CREBBP: variants seen among roughly 807,000 people sequenced by gnomAD.
CREBBP encodes CREB-binding protein.
CREBBP carries 19 observed loss-of-function variants against 265.0 expected under a neutral mutation model. That is an observed-to-expected ratio of 0.07 (90% CI 0.05 to 0.11). The LOEUF (loss-of-function observed/expected upper bound fraction) is 0.11, where lower values mean the gene tolerates loss of function less well. Ranked by LOEUF, CREBBP falls within the 10% of genes least tolerant of loss-of-function variation. The pLI, the probability that CREBBP is intolerant of heterozygous loss-of-function variation, is 1.00. For missense variants in CREBBP, 2,525 were observed against 3,219.0 expected (o/e 0.78, Z 5.22); for synonymous variants, 1,457 against 1,223.7 (o/e 1.19, Z -3.98).
In CREBBP at chr16:3,781,282, G is replaced by A. The variant is rs2141248100; in HGVS notation, c.1598C>T (p.Ala533Val). 1 of 1,613,846 alleles carries A rather than the reference G, an allele frequency of 6.2e-7. No individual in the cohort carries two copies. The change falls in exon 7 of 31, where the codon GCA (alanine) becomes GTA (valine). Residue 533 changes from alanine to valine, a missense_variant. This residue lies in a region of CREBBP where 144 missense variants were observed against 134.0 expected (regional missense o/e 1.07). Coordinates refer to ENST00000262367, the MANE Select transcript of CREBBP (RefSeq NM_004380.3). Reference sequence around the variant, plus strand: ...CTGCTGATCTGTTGTTATTCCTCCTGCTGGAATGTTCATTGGATTATTTCC... The same window carrying A: ...CTGCTGATCTGTTGTTATTCCTCCTACTGGAATGTTCATTGGATTATTTCC... ...PLGNNPMNIPAGGITTDQQPP... is the reference protein window; with the variant it reads ...PLGNNPMNIPVGGITTDQQPP...
intron 3 of CREBBP, among the ~76,000 whole-genome samples, chr16:3,800,465 A>C (rs1412859535): frequency 6.6e-6 from 1 of 152,080 alleles, no homozygotes; most frequent in African/African-American, 2.4e-5. Context: ...TTTTCCCCTA[A>C]GAGACGAGCC....
intron 2 of CREBBP, among the ~76,000 whole-genome samples, chr16:3,836,196 G>C (rs1444222904): frequency 6.6e-6 from 1 of 151,916 alleles, no homozygotes; most frequent in Non-Finnish European, 1.5e-5. Context: ...AACACTTTGG[G>C]AGGCTGAGGT....
chr16:3,786,965 C>T (rs963483523), intron 5 of CREBBP, among the ~76,000 whole-genome samples: 1 of 151,386 alleles, frequency 6.6e-6, no homozygotes, highest in African/African-American at 2.4e-5. Context: ...CCCAGCTACT[C>T]GGGAGGCTGA....
intron 3 of CREBBP, among the ~76,000 whole-genome samples, chr16:3,803,031 C>A (rs1301213146): frequency 6.6e-6 from 1 of 152,022 alleles, no homozygotes; most frequent in African/African-American, 2.4e-5. Context: ...ATTAAATGTA[C>A]ACAGCTGCCA....
rs2151305272 is a variant in CREBBP, at chr16:3,728,811, G to T, written c.6236C>A (p.Ser2079Tyr). 6.2e-7 allele frequency: 1 copy of T among 1,613,652 alleles called. No homozygotes were observed. The change falls in exon 31 of 31, where the codon TCC becomes TAC. Residue 2079 changes from serine (S) to tyrosine (Y), a missense_variant. Physicochemically the swap from Ser to Tyr is moderately radical, Grantham distance 144. Around this residue, in one of 19 missense-constraint regions of CREBBP, gnomAD observed 275 missense variants for 276.5 expected, o/e 0.99. Transcript: ENST00000262367. The surrounding 1 kb of genome is among the most constrained non-coding windows in gnomAD (Gnocchi z 8.7). ...DLLRTLKSPS[S>Y]PQQQQQVLNI... ...CAGCACCTGCTGTTGCTGCTGAGGG[G>T]AGCTGGGCGACTTCAGGGTCCGCAG...
At chr16:3,803,017 G>A (rs1436756092) in intron 3 of CREBBP, among the ~76,000 whole-genome samples, 2 of 151,968 alleles carry the variant, frequency 1.3e-5, no homozygotes, top group Admixed American at 6.6e-5. Context: ...CAAAGAAAAT[G>A]CTCATTAAAT....
intron 3 of CREBBP, among the ~76,000 whole-genome samples, chr16:3,802,806 A>C (rs1427562648): frequency 6.6e-6 from 1 of 152,112 alleles, no homozygotes; most frequent in East Asian, 1.9e-4. Context: ...CCACATCGCA[A>C]CAGGGTCCAA....
chr16:3,770,522 AT>A, intron 14 of CREBBP, 47 bp downstream of exon 14: 1 of 1,597,882 alleles, frequency 6.3e-7, no homozygotes, highest in Non-Finnish European at 8.5e-7. Context: ...TGGGAAAATT[AT>A]CTTCTAAGAG....
At chr16:3,817,220 GACTTTGGTAC>G (rs2054055538) in intron 2 of CREBBP, among the ~76,000 whole-genome samples, 2 of 152,154 alleles carry the variant, frequency 1.3e-5, no homozygotes, top group African/African-American at 4.8e-5. Flanking sequence ...GGAAAACCCT[GACTTTGGTAC>G]AAGGCCCCAC....
intron 2 of CREBBP, among the ~76,000 whole-genome samples, chr16:3,836,000 T>G (rs1288839008): frequency 1.3e-5 from 2 of 152,114 alleles, no homozygotes; most frequent in African/African-American, 2.4e-5. Context: ...AAAAAAGAAC[T>G]AGTTCATGCC....
intron 2 of CREBBP, among the ~76,000 whole-genome samples, chr16:3,812,176 T>C (rs536093898): frequency 6.6e-6 from 1 of 151,978 alleles, no homozygotes; most frequent in East Asian, 1.9e-4. Context: ...GGTGTAAAAT[T>C]TATGTATTTA....
rs2053261578 is a variant in CREBBP at position 3,781,004 on chromosome 16, A to C, written c.1677-126T>G. The C allele has an allele frequency of 9.3e-6, 11 of 1,182,902 alleles. No individual in the cohort carries two copies. In the South Asian group the frequency reaches 1.4e-4, roughly 15 times the overall value. 73.3% of individuals were successfully genotyped at this position (1,182,902 alleles called of 1,614,324 possible). A position where few individuals can be genotyped will look rare whatever the true frequency, so the allele number is the denominator to read the frequency against. On this transcript the variant is annotated intron_variant, in intron 7 of 30. Transcript: ENST00000262367. ...TAAGTCAGGAGAGCCAAGTGATGTA[A>C]ATAAATAAAACTTAAACTATGTTTT...
intron 3 of CREBBP, among the ~76,000 whole-genome samples, chr16:3,798,359 T>C (rs1363034735): frequency 1.3e-5 from 2 of 152,208 alleles, no homozygotes; most frequent in African/African-American, 4.8e-5. Flanking sequence ...CTTCAAAGGA[T>C]ACCATTACAA....
At chr16:3,835,682 C>A (rs574635009) in intron 2 of CREBBP, among the ~76,000 whole-genome samples, 38 of 151,062 alleles carry the variant, frequency 2.5e-4, no homozygotes, top group African/African-American at 9.3e-4. Flanking sequence ...CAGGTTCACG[C>A]CATTCTCCTG....
At chr16:3,745,413 T>C in intron 21 of CREBBP, 59 bp from the exon 22 acceptor site, 1 of 1,502,170 alleles carries the variant, frequency 6.7e-7, no homozygotes, top group Non-Finnish European at 9.2e-7. Context: ...CAGAGTCACT[T>C]GTAGAAGTCT....
At chr16:3,806,452 T>C (rs1467562832) in intron 3 of CREBBP, among the ~76,000 whole-genome samples, 1 of 147,538 alleles carries the variant, frequency 6.8e-6, no homozygotes, top group East Asian at 2.2e-4. Flanking sequence ...AACGCAGTTC[T>C]TAAAAAAAAA....
intron 18 of CREBBP, 57 bp downstream of exon 18, chr16:3,757,752 C>T (rs2052620538): frequency 1.2e-6 from 2 of 1,607,004 alleles, no homozygotes; most frequent in African/African-American, 1.3e-5. Context: ...TAGTATAACA[C>T]CCCTCTGGCT....
chr16:3,852,484 A>T (rs892239826), intron 1 of CREBBP, among the ~76,000 whole-genome samples: 26 of 152,258 alleles, frequency 1.7e-4, no homozygotes, highest in African/African-American at 6.0e-4. Context: ...TACATTATTT[A>T]AAAGTTAAAA....
intron 3 of CREBBP, among the ~76,000 whole-genome samples, chr16:3,800,471 G>A (rs888967161): frequency 4.0e-5 from 6 of 151,864 alleles, no homozygotes; most frequent in Middle Eastern, 3.4e-3. Context: ...CCTAAGAGAC[G>A]AGCCTGCTTT....
Sources: allele counts gnomAD v4.1 joint callset (sites outside exome capture counted in the v4.1 genomes callset), GRCh38; gene constraint gnomAD v4.1.1; regional missense constraint gnomAD v4.1.1; non-coding constraint Gnocchi (gnomAD v3.1); transcripts MANE v1.5; gene names NCBI Gene and HGNC (gene_info 2026-07-23, HGNC 2026-07-21).